GIPC2: variants seen among roughly 807,000 people sequenced by gnomAD.
The protein encoded by GIPC2 is GIPC PDZ domain containing family member 2.
Under a neutral mutation model 30.6 loss-of-function variants are expected in GIPC2, and 30 were observed. The ratio of observed to expected loss-of-function variants is 0.98; its 90% CI spans 0.73 to 1.33. The LOEUF is 1.33. GIPC2 is among the 40% of genes most tolerant of loss of function. The probability of loss-of-function intolerance (pLI) is 0.00; values close to 1 mark genes in which losing one functional copy is unlikely to be tolerated. For synonymous variants in GIPC2, 167 were observed against 150.0 expected (o/e 1.11, Z -0.83); for missense variants, 414 against 390.3 (o/e 1.06, Z -0.51).
intron 1 of GIPC2, among the ~76,000 whole-genome samples, chr1:78,061,212 C>T (rs143886523): frequency 1.3e-5 from 2 of 152,322 alleles, no homozygotes; most frequent in East Asian, 1.9e-4. Flanking sequence ...TATAACCAAA[C>T]GTGTTCCTTG....
chr1:78,046,841 ATTGAAG>A (rs1289041941), intron 1 of GIPC2, among the ~76,000 whole-genome samples: 1 of 151,512 alleles, frequency 6.6e-6, no homozygotes, highest in Admixed American at 6.6e-5. Flanking sequence ...GGGGGAAAAC[ATTGAAG>A]AGCCTTCCAG....
intron 1 of GIPC2, among the ~76,000 whole-genome samples, chr1:78,072,534 A>C (rs1661640153): frequency 6.6e-6 from 1 of 152,074 alleles, no homozygotes; most frequent in African/African-American, 2.4e-5. Context: ...CTTTTCAAGC[A>C]CTTAGGGTAC....
At chr1:78,060,923 A>G (rs995297400) in intron 1 of GIPC2, among the ~76,000 whole-genome samples, 1 of 151,730 alleles carries the variant, frequency 6.6e-6, no homozygotes, top group Non-Finnish European at 1.5e-5. Context: ...AACTCAATTA[A>G]GAGCATATTG....
At chr1:78,135,180 G>A (rs1662977451) in intron 5 of GIPC2, among the ~76,000 whole-genome samples, 1 of 152,186 alleles carries the variant, frequency 6.6e-6, no homozygotes, top group African/African-American at 2.4e-5. Flanking sequence ...GGCAGTGGGG[G>A]ACTGGTGGAG....
rs1045980442 is a variant in GIPC2 at position 78,138,257 on chromosome 1, T to G, written c.*2514T>G. On this transcript the variant is annotated 3_prime_UTR_variant, in exon 6 of 6. Transcript: ENST00000370759. Reference sequence around the variant, plus strand: ...TTCTGTGATGTTTCAAAAATACAATTATATAATTATGATGTAAACTCTTTA... The same window carrying G: ...TTCTGTGATGTTTCAAAAATACAATGATATAATTATGATGTAAACTCTTTA... The G allele has an allele frequency of 6.6e-6, 1 of 152,210 alleles. No individual in the cohort carries two copies. Among genetic ancestry groups the G allele is most frequent in the Non-Finnish European group, 1.5e-5 (1 of 68,030 alleles). The allele number at this position is 152,210 out of a possible 1,614,324, so 9.4% of individuals were successfully genotyped here.
intron 5 of GIPC2, among the ~76,000 whole-genome samples, chr1:78,128,833 AAAAAC>A (rs976520311): frequency 6.6e-6 from 1 of 151,986 alleles, no homozygotes; most frequent in African/African-American, 2.4e-5. Context: ...CTAAAAAAAC[AAAAAC>A]AAAACAAAAC....
At chr1:78,123,951 A>G (rs1662734123) in intron 4 of GIPC2, among the ~76,000 whole-genome samples, 1 of 152,380 alleles carries the variant, frequency 6.6e-6, no homozygotes, top group Admixed American at 6.5e-5. Context: ...TAAAAATGTG[A>G]GAAAGTTGTA....
intron 2 of GIPC2, chr1:78,092,085 T>C (rs2100369959): frequency 1.5e-6 from 2 of 1,369,090 alleles, no homozygotes; most frequent in East Asian, 4.6e-5. Flanking sequence ...CCCGGCTTTG[T>C]GTCTGTGGGT....
chr1:78,054,205 T>C (rs1001103), intron 1 of GIPC2, among the ~76,000 whole-genome samples: 133,890 of 152,206 alleles, frequency 0.88, 59,045 homozygotes, highest in Middle Eastern at 0.93. Context: ...TCTGGATACC[T>C]GCTATTGCAT....
intron 1 of GIPC2, among the ~76,000 whole-genome samples, chr1:78,049,550 A>G (rs961505090): frequency 6.6e-6 from 1 of 152,174 alleles, no homozygotes; most frequent in South Asian, 2.1e-4. Flanking sequence ...CCTTTTTTCT[A>G]GAGTGGTGGC....
chr1:78,116,800 G>C (rs896746609), intron 3 of GIPC2, among the ~76,000 whole-genome samples: 8 of 152,176 alleles, frequency 5.3e-5, no homozygotes, highest in African/African-American at 1.9e-4. Flanking sequence ...ATTGTGAATA[G>C]TGCTGCAGTA....
At chr1:78,070,776 GTTTTTC>G (rs887978545) in intron 1 of GIPC2, among the ~76,000 whole-genome samples, 13 of 152,064 alleles carry the variant, frequency 8.5e-5, no homozygotes, top group African/African-American at 3.1e-4. Flanking sequence ...GAATCTGACT[GTTTTTC>G]TTTTTTTGGA....
chr1:78,123,889 G>A (rs1397026578), intron 4 of GIPC2, among the ~76,000 whole-genome samples: 1 of 152,174 alleles, frequency 6.6e-6, no homozygotes, highest in Non-Finnish European at 1.5e-5. Flanking sequence ...TTGTAATGAA[G>A]GCAAGAGCAA....
chr1:78,071,717 G>C (rs4949835), intron 1 of GIPC2, among the ~76,000 whole-genome samples: 1 of 151,736 alleles, frequency 6.6e-6, no homozygotes, highest in East Asian at 1.9e-4. Flanking sequence ...GTGCTGTCAC[G>C]CCTGTCTTCT....
At chr1:78,094,598 A>G (rs531364330) in intron 2 of GIPC2, among the ~76,000 whole-genome samples, 2 of 152,286 alleles carry the variant, frequency 1.3e-5, no homozygotes, top group East Asian at 1.9e-4. Flanking sequence ...TGGGTTGGGA[A>G]TGTCAGGAAA....
intron 1 of GIPC2, among the ~76,000 whole-genome samples, chr1:78,059,650 T>A (rs1661356392): frequency 6.6e-6 from 1 of 151,920 alleles, no homozygotes; most frequent in South Asian, 2.1e-4. Flanking sequence ...AAGTTGAAGC[T>A]TGGATAGGAC....
chr1:78,079,618 T>C (rs1437494443), intron 1 of GIPC2, among the ~76,000 whole-genome samples: 1 of 152,210 alleles, frequency 6.6e-6, no homozygotes, highest in Admixed American at 6.5e-5. Flanking sequence ...ATAAATTTCA[T>C]TTAGTGATTT....
At chr1:78,117,021 C>G (rs956164704) in intron 3 of GIPC2, among the ~76,000 whole-genome samples, 2 of 142,328 alleles carry the variant, frequency 1.4e-5, no homozygotes, top group African/African-American at 5.1e-5. Context: ...GCACCTGTTT[C>G]CTGACTTTTT....
At chr1:78,114,560 C>A (rs1186499503) in intron 3 of GIPC2, among the ~76,000 whole-genome samples, 2 of 151,862 alleles carry the variant, frequency 1.3e-5, no homozygotes, top group Non-Finnish European at 2.9e-5. Flanking sequence ...CTGGTCCAAG[C>A]CAGAATTTAA....
Sources: gnomAD v4.1 joint callset for allele counts (sites outside exome capture counted in the v4.1 genomes callset) on GRCh38, gnomAD v4.1.1 for gene constraint, MANE v1.5 for transcripts, NCBI Gene and HGNC (gene_info 2026-07-23, HGNC 2026-07-21) for gene names.